Variants in MID1 observed in about 807,000 individuals in gnomAD.
MID1 encodes midline 1.
In MID1, 7 loss-of-function variants were observed where a neutral mutation model predicts 40.4. That is an observed-to-expected ratio of 0.17 (90% CI 0.10 to 0.33). MID1 has a LOEUF of 0.33. MID1 is among the 10% of genes least tolerant of loss of function. The probability of loss-of-function intolerance (pLI) is 1.00; values close to 1 mark genes in which losing one functional copy is unlikely to be tolerated. For missense variants in MID1, 367 were observed against 558.5 expected (o/e 0.66, Z 3.46); for synonymous variants, 229 against 221.2 (o/e 1.04, Z -0.31).
intron 1 of MID1, among the ~76,000 whole-genome samples, chrX:10,794,007 C>T (rs2043952331): frequency 8.9e-6 from 1 of 111,743 alleles, no homozygotes; most frequent in African/African-American, 3.3e-5. Flanking sequence ...CCTGCCACTT[C>T]TCTGTCCACT....
intron 1 of MID1, among the ~76,000 whole-genome samples, chrX:10,829,199 T>C (rs2044236250): frequency 8.9e-6 from 1 of 112,213 alleles, no homozygotes; most frequent in East Asian, 2.8e-4. Flanking sequence ...GGGGGAGAAA[T>C]AATTTTGGTT....
rs775227924 is a variant in MID1, at chrX:10,454,912, C to G, written c.1613G>C (p.Ser538Thr). 5.0e-6 allele frequency: 6 copies of G among 1,211,602 alleles called. No individual in the cohort carries two copies. In the East Asian group the frequency reaches 1.8e-4, roughly 36 times the overall value. ...GACCACTTCCCAATAATGCCGGCCA[C>G]TATCAATAAACACATTTCCAGCTAC... ...YGVAGNVFID[S>T]GRHYWEVVIS... Residue 538 changes from serine (S) to threonine (T), a missense_variant, in exon 9 of 10, where the codon AGT (serine) becomes ACT (threonine). This residue lies in a region of MID1 where 275 missense variants were observed against 383.1 expected (regional missense o/e 0.72). Coordinates refer to ENST00000317552, the MANE Select transcript of MID1 (RefSeq NM_000381.4).
intron 1 of MID1, among the ~76,000 whole-genome samples, chrX:10,746,411 G>T (rs940855042): frequency 2.7e-5 from 3 of 112,166 alleles, no homozygotes; most frequent in Non-Finnish European, 5.6e-5. Context: ...TTCCAAGGTT[G>T]TTCAGCTCTC....
At chrX:10,634,389 C>T (rs762883616) in intron 1 of MID1, among the ~76,000 whole-genome samples, 1 of 111,537 alleles carries the variant, frequency 9.0e-6, no homozygotes, top group Admixed American at 9.5e-5. Flanking sequence ...TTTTAAAAAG[C>T]CCCTTCTCCT....
At chrX:10,779,335 C>T (rs1187791366) in intron 1 of MID1, among the ~76,000 whole-genome samples, 3 of 111,601 alleles carry the variant, frequency 2.7e-5, no homozygotes, top group Non-Finnish European at 5.6e-5. Context: ...CATGCACTAC[C>T]ACACCTGGAT....
At chrX:10,640,470 C>T (rs1411442022) in intron 1 of MID1, among the ~76,000 whole-genome samples, 1 of 111,218 alleles carries the variant, frequency 9.0e-6, no homozygotes, top group African/African-American at 3.3e-5. Context: ...GCTAACTGTC[C>T]TAAATATATA....
chrX:10,709,572 C>T (rs767824264), intron 1 of MID1, among the ~76,000 whole-genome samples: 3 of 112,051 alleles, frequency 2.7e-5, no homozygotes, highest in South Asian at 3.7e-4. Flanking sequence ...GTGAATGCAG[C>T]CAGAGGCAGT....
intron 1 of MID1, among the ~76,000 whole-genome samples, chrX:10,828,092 T>C (rs1232673197): frequency 8.9e-6 from 1 of 111,999 alleles, no homozygotes; most frequent in Non-Finnish European, 1.9e-5. Flanking sequence ...GGAAGAATTT[T>C]TTCTTTCTTA....
chrX:10,784,443 C>CTTTTTTTTT, intron 1 of MID1, among the ~76,000 whole-genome samples: 1 of 87,577 alleles, frequency 1.1e-5, no homozygotes, highest in Admixed American at 1.3e-4. Flanking sequence ...GTTGTATTTT[C>CTTTTTTTTT]TTTTTTTTTT....
intron 9 of MID1, among the ~76,000 whole-genome samples, chrX:10,451,036 CA>C (rs1194143671): frequency 9.0e-6 from 1 of 111,682 alleles, no homozygotes; most frequent in East Asian, 2.8e-4. Flanking sequence ...ACTTAAAATA[CA>C]ATCACTTTAA....
chrX:10,812,388 T>G, intron 1 of MID1, among the ~76,000 whole-genome samples: 1 of 111,554 alleles, frequency 9.0e-6, no homozygotes, highest in Non-Finnish European at 1.9e-5. Context: ...ACAAAGAAAC[T>G]AATTTAAGCG....
At chrX:10,773,422 G>T (rs928094434) in intron 1 of MID1, among the ~76,000 whole-genome samples, 1 of 112,191 alleles carries the variant, frequency 8.9e-6, no homozygotes, top group Admixed American at 9.5e-5. Context: ...GAAGAGAAGA[G>T]CAGATTTAGT....
intron 1 of MID1, among the ~76,000 whole-genome samples, chrX:10,706,526 GT>G (rs1360582107): frequency 9.1e-6 from 1 of 110,475 alleles, no homozygotes; most frequent in African/African-American, 3.3e-5. Flanking sequence ...TTTATAAAGC[GT>G]TTTTCCCCCT....
intron 2 of MID1, among the ~76,000 whole-genome samples, chrX:10,535,714 G>A (rs961521645): frequency 1.8e-5 from 2 of 111,887 alleles, no homozygotes; most frequent in Admixed American, 9.5e-5. Context: ...AAACACAACA[G>A]AAGTGTACTA....
intron 1 of MID1, among the ~76,000 whole-genome samples, chrX:10,635,848 TTGTC>T (rs1936103807): frequency 8.9e-6 from 1 of 112,217 alleles, no homozygotes. Flanking sequence ...AGGCTGGTCA[TTGTC>T]TGTCACAGTC....
At chrX:10,638,805 A>G (rs1003438579) in intron 1 of MID1, among the ~76,000 whole-genome samples, 1 of 111,821 alleles carries the variant, frequency 8.9e-6, no homozygotes, top group African/African-American at 3.3e-5. Context: ...TCTGAGATGA[A>G]GCTTCCAGAG....
At chrX:10,705,606 C>T (rs1351564348) in intron 1 of MID1, among the ~76,000 whole-genome samples, 3 of 111,848 alleles carry the variant, frequency 2.7e-5, no homozygotes, top group Non-Finnish European at 3.8e-5. Context: ...TTATTGAGGC[C>T]GTCAGCCACT....
intron 1 of MID1, among the ~76,000 whole-genome samples, chrX:10,598,363 G>C (rs1233047182): frequency 2.7e-5 from 3 of 112,247 alleles, no homozygotes; most frequent in Non-Finnish European, 5.6e-5. Context: ...CAGGAGCTGA[G>C]ATTCTTCATC....
chrX:10,716,300 A>G (rs778420666), intron 1 of MID1, among the ~76,000 whole-genome samples: 32 of 111,805 alleles, frequency 2.9e-4, no homozygotes, highest in African/African-American at 9.1e-4. Context: ...CCTTGAAAAA[A>G]GATTAGACGA....
Sources: gnomAD v4.1 joint callset for allele counts (sites outside exome capture counted in the v4.1 genomes callset) on GRCh38, gnomAD v4.1.1 for gene constraint, gnomAD v4.1.1 regional missense constraint, MANE v1.5 for transcripts, NCBI Gene and HGNC (gene_info 2026-07-23, HGNC 2026-07-21) for gene names.